Variants in PCDHGA7 observed in about 807,000 individuals in gnomAD.
PCDHGA7 encodes protocadherin gamma-A7.
In PCDHGA7, 44 loss-of-function variants were observed where a neutral mutation model predicts 58.3. The observed-to-expected ratio is 0.75, with a 90% CI of 0.59 to 0.97. PCDHGA7 has a LOEUF of 0.97. Among genes scored for constraint, PCDHGA7 ranks in the 50% least tolerant of loss-of-function variants. The pLI, the probability that PCDHGA7 is intolerant of heterozygous loss-of-function variation, is 0.00. For missense variants in PCDHGA7, 1,266 were observed against 1,188.7 expected (o/e 1.06, Z -0.96); for synonymous variants, 516 against 504.2 (o/e 1.02, Z -0.31).
chr5:141,389,330 C>T, intron 1 of PCDHGA7: 1 of 1,614,000 alleles, frequency 6.2e-7, no homozygotes. Context: ...TGGGGCCCAA[C>T]GGCCAAGTCT....
chr5:141,388,742 G>A (rs1340234849), intron 1 of PCDHGA7: 12 of 1,614,004 alleles, frequency 7.4e-6, no homozygotes, highest in Non-Finnish European at 1.0e-5. Flanking sequence ...AAGCTAGCCA[G>A]ATCACCCAAT....
intron 1 of PCDHGA7, among the ~76,000 whole-genome samples, chr5:141,470,717 A>G (rs1353989037): frequency 6.6e-6 from 1 of 152,010 alleles, no homozygotes; most frequent in Non-Finnish European, 1.5e-5. Flanking sequence ...TATTTTTTTG[A>G]GTCAGGGTCT....
rs534304763 is a variant in PCDHGA7 at position 141,394,533 on chromosome 5, G to A, written c.2424+9210G>A. On this transcript the variant is annotated intron_variant, in intron 1 of 3. Transcript: ENST00000518325. The stretch of plus-strand genomic sequence containing the variant: ...CGCCCTCCCCACAGACGGTTCCACT[G>A]GCGTGGAGCTGGCGCCCCGCTCCGC... The A allele has an allele frequency of 2.1e-5, 34 of 1,614,210 alleles. 1 individual carries two copies. In the South Asian group the frequency reaches 3.0e-4, roughly 14 times the overall value.
intron 1 of PCDHGA7, chr5:141,403,694 C>A (rs746395931): frequency 2.5e-6 from 4 of 1,613,878 alleles, no homozygotes; most frequent in Admixed American, 1.7e-5. Context: ...ACGGATTTAC[C>A]GAGTTAAAGT....
chr5:141,409,734 G>C (rs1278458472), intron 1 of PCDHGA7: 2 of 1,613,144 alleles, frequency 1.2e-6, no homozygotes, highest in Admixed American at 3.3e-5. Flanking sequence ...AGCGCGCAGA[G>C]CGGGGTGGTG....
At chr5:141,400,126 G>A (rs1428204829) in intron 1 of PCDHGA7, 2 of 1,613,972 alleles carry the variant, frequency 1.2e-6, no homozygotes, top group East Asian at 2.2e-5. Context: ...CTTGCAGGAG[G>A]TGCTGCCGGA....
At chr5:141,510,334 C>G (rs1463634534) in intron 3 of PCDHGA7, among the ~76,000 whole-genome samples, 1 of 151,448 alleles carries the variant, frequency 6.6e-6, no homozygotes, top group African/African-American at 2.4e-5. Context: ...TCTTCACCCC[C>G]ACCCCACACA....
rs2099735960 is a variant in PCDHGA7 at position 141,491,997 on chromosome 5, G to A, written c.2425-2810G>A. On this transcript the variant is annotated intron_variant, in intron 1 of 3. Transcript: ENST00000518325. The surrounding 1 kb of genome is among the most constrained non-coding windows in gnomAD (Gnocchi z 6.9). ...CCTTCGAGCTTCCGGTGAATTTCGG[G>A]CGATTTCCGCGGGTGTCGGGGGTCC... The A allele has an allele frequency of 1.5e-6, 1 of 671,074 alleles. No homozygotes were observed. The allele number at this position is 671,074 out of a possible 1,614,324, so 41.6% of individuals were successfully genotyped here.
intron 2 of PCDHGA7, among the ~76,000 whole-genome samples, chr5:141,500,428 C>G (rs1224554560): frequency 6.6e-6 from 1 of 151,836 alleles, no homozygotes; most frequent in African/African-American, 2.4e-5. Context: ...CCAGGATGGT[C>G]TCGATCTCCT....
At chr5:141,434,515 G>A (rs1032584764) in intron 1 of PCDHGA7, among the ~76,000 whole-genome samples, 1 of 152,296 alleles carries the variant, frequency 6.6e-6, no homozygotes, top group African/African-American at 2.4e-5. Context: ...CTGCTTAAAG[G>A]TGTTCTTAAA....
chr5:141,422,087 G>A, intron 1 of PCDHGA7: 6 of 1,611,966 alleles, frequency 3.7e-6, no homozygotes, highest in Non-Finnish European at 5.1e-6. Context: ...AACATGGAAA[G>A]CAAGGCTTCT....
In PCDHGA7 at chr5:141,422,662, G is replaced by A. The variant is rs771844166; in HGVS notation, c.2424+37339G>A. On this transcript the variant is annotated intron_variant, in intron 1 of 3. Transcript: ENST00000518325. Reference sequence around the variant, plus strand: ...CTCCATCTTCTCAGTGACCGCCCTCGACCCGGACAGCAAACAGAATGCCCT... The same window carrying A: ...CTCCATCTTCTCAGTGACCGCCCTCAACCCGGACAGCAAACAGAATGCCCT... 4 of 1,608,410 alleles carry A rather than the reference G, an allele frequency of 2.5e-6. No individual in the cohort carries two copies. In the South Asian group the frequency reaches 3.3e-5, roughly 13 times the overall value.
At chr5:141,472,998 GAAAGAA>G (rs1489589280) in intron 1 of PCDHGA7, among the ~76,000 whole-genome samples, 8 of 134,744 alleles carry the variant, frequency 5.9e-5, no homozygotes, top group South Asian at 2.3e-4. Flanking sequence ...AAAAAAAAAA[GAAAGAA>G]AAAGAAAAAG....
At chr5:141,392,627 G>C (rs4151699) in intron 1 of PCDHGA7, 43,187 of 584,208 alleles carry the variant, frequency 0.074, 2,003 homozygotes, top group Non-Finnish European at 0.093. Flanking sequence ...AAAACACTCA[G>C]ATCTCACACC....
chr5:141,402,789 T>C (rs1047869740), intron 1 of PCDHGA7: 2 of 952,520 alleles, frequency 2.1e-6, no homozygotes, highest in South Asian at 4.2e-5. Context: ...GTTCTGCGGC[T>C]ACACAAAACC....
intron 1 of PCDHGA7, among the ~76,000 whole-genome samples, chr5:141,435,604 A>T (rs1361568996): frequency 6.6e-6 from 1 of 152,180 alleles, no homozygotes. Flanking sequence ...CCTGCTTTTT[A>T]CATTAAATTC....
intron 1 of PCDHGA7, chr5:141,387,775 A>C (rs2091090328): frequency 6.9e-7 from 1 of 1,450,000 alleles, no homozygotes; most frequent in South Asian, 1.4e-5. Context: ...TTTTTTCTTG[A>C]ACTGGAACTG....
At chr5:141,510,831 A>T (rs2154594660) in intron 3 of PCDHGA7, 116 bp from the exon 4 acceptor site, 1 of 1,577,022 alleles carries the variant, frequency 6.3e-7, no homozygotes, top group East Asian at 2.2e-5. Context: ...CCCAGTGCTC[A>T]GCGTGGTCAA....
rs67622091 is a variant in PCDHGA7 at position 141,388,335 on chromosome 5, C to T, written c.2424+3012C>T. ...AAGTGAGTCTGCACAGCCTGGCACA[C>T]GATTTATATTAGGATCTGCCCATGA... On this transcript the variant is annotated intron_variant, in intron 1 of 3. Transcript: ENST00000518325. 13 of 1,613,842 alleles carry T rather than the reference C, an allele frequency of 8.1e-6. No homozygotes were observed. In the East Asian group the frequency reaches 1.8e-4, roughly 22 times the overall value.
Sources: gnomAD v4.1 joint callset for allele counts (sites outside exome capture counted in the v4.1 genomes callset) on GRCh38, gnomAD v4.1.1 for gene constraint, Gnocchi (gnomAD v3.1) non-coding constraint, MANE v1.5 for transcripts, NCBI Gene and HGNC (gene_info 2026-07-23, HGNC 2026-07-21) for gene names.